Variants in PRDM6 observed in about 807,000 individuals in gnomAD.
PRDM6 encodes putative histone-lysine N-methyltransferase PRDM6.
PRDM6 carries 25 observed loss-of-function variants against 60.8 expected under a neutral mutation model. That is an observed-to-expected ratio of 0.41 (90% CI 0.30 to 0.57). PRDM6 has a LOEUF of 0.57. PRDM6 is among the 20% of genes least tolerant of loss of function. The probability of loss-of-function intolerance (pLI) is 0.27; values close to 1 mark genes in which losing one functional copy is unlikely to be tolerated. For synonymous variants in PRDM6, 407 were observed against 357.4 expected (o/e 1.14, Z -1.57); for missense variants, 839 against 821.3 (o/e 1.02, Z -0.26).
intron 3 of PRDM6, among the ~76,000 whole-genome samples, chr5:123,107,970 AT>A (rs202091143): frequency 3.9e-5 from 6 of 151,960 alleles, no homozygotes; most frequent in East Asian, 3.8e-4. Flanking sequence ...TTTTTAATTA[AT>A]TTTTTTTCAC....
intron 2 of PRDM6, among the ~76,000 whole-genome samples, chr5:123,096,391 T>A (rs955498531): frequency 6.6e-6 from 1 of 152,218 alleles, no homozygotes; most frequent in Non-Finnish European, 1.5e-5. Flanking sequence ...GCTAGAATGT[T>A]TGTCTTCTTA....
intron 6 of PRDM6, among the ~76,000 whole-genome samples, chr5:123,174,000 A>G (rs566360792): frequency 1.8e-4 from 28 of 152,232 alleles, no homozygotes; most frequent in Non-Finnish European, 3.4e-4. Flanking sequence ...GAACCTTTTT[A>G]TGGTTATTAT....
intron 3 of PRDM6, among the ~76,000 whole-genome samples, chr5:123,116,581 T>C (rs550108231): frequency 1.4e-4 from 22 of 152,302 alleles, no homozygotes; most frequent in Non-Finnish European, 2.4e-4. Context: ...TATACAGTAG[T>C]TATTGGAGGG....
intron 3 of PRDM6, among the ~76,000 whole-genome samples, chr5:123,145,905 A>C (rs536824575): frequency 6.6e-6 from 1 of 152,328 alleles, no homozygotes; most frequent in East Asian, 1.9e-4. Flanking sequence ...TGCTCTGAAA[A>C]GAAGTAAAAC....
Position 123,090,201 on chromosome 5 carries a change from G to A in PRDM6, c.187G>A (p.Glu63Lys). The stretch of plus-strand genomic sequence containing the variant: ...GCCGCCCCCGCCCCCGGAGCGCGCT[G>A]AGCCTCCGCCGGACAGCCTGCGCCC... The part of the protein sequence containing the change: ...PPPPPPPERA[E>K]PPPDSLRPRP... Residue 63 changes from glutamate (E) to lysine (K), a missense_variant, in exon 2 of 8, where the codon GAG becomes AAG. This residue lies in a region of PRDM6 where 730 missense variants were observed against 648.8 expected (regional missense o/e 1.13). Transcript: ENST00000407847. The A allele has an allele frequency of 6.7e-7, 1 of 1,485,662 alleles. No individual in the cohort carries two copies. Among genetic ancestry groups the A allele is most frequent in the Non-Finnish European group, 8.9e-7 (1 of 1,121,166 alleles). 92.0% of individuals were successfully genotyped at this position (1,485,662 alleles called of 1,614,324 possible). A position where few individuals can be genotyped will look rare whatever the true frequency, so the allele number is the denominator to read the frequency against.
At chr5:123,115,143 A>C in intron 3 of PRDM6, among the ~76,000 whole-genome samples, 1 of 152,182 alleles carries the variant, frequency 6.6e-6, no homozygotes. Flanking sequence ...GCTAATTACC[A>C]TGTAGCAGGT....
chr5:123,094,262 G>A (rs1176375443), intron 2 of PRDM6, among the ~76,000 whole-genome samples: 1 of 152,174 alleles, frequency 6.6e-6, no homozygotes, highest in African/African-American at 2.4e-5. Context: ...GGTCCTGTTT[G>A]GGCAACTTCG....
At chr5:123,128,732 T>A (rs1476379475) in intron 3 of PRDM6, among the ~76,000 whole-genome samples, 9 of 152,246 alleles carry the variant, frequency 5.9e-5, no homozygotes, top group African/African-American at 2.2e-4. Flanking sequence ...CTGTTCATTC[T>A]GTTAGTTTCT....
chr5:123,096,533 T>G (rs1354193359), intron 2 of PRDM6, among the ~76,000 whole-genome samples: 2 of 152,334 alleles, frequency 1.3e-5, no homozygotes, highest in Non-Finnish European at 1.5e-5. Flanking sequence ...CATTGGAATA[T>G]AACATGTATC....
intron 7 of PRDM6, among the ~76,000 whole-genome samples, chr5:123,182,562 AT>A (rs1766189188): frequency 6.6e-6 from 1 of 152,108 alleles, no homozygotes; most frequent in South Asian, 2.1e-4. Flanking sequence ...ACTTCACTCA[AT>A]TTTTTTCCTT....
At chr5:123,105,952 G>T (rs1764190037) in intron 3 of PRDM6, among the ~76,000 whole-genome samples, 1 of 152,214 alleles carries the variant, frequency 6.6e-6, no homozygotes. Flanking sequence ...GTAGGCCCCA[G>T]GCTCCAGCCT....
At chr5:123,183,441 T>C (rs1486457893) in intron 7 of PRDM6, among the ~76,000 whole-genome samples, 1 of 152,198 alleles carries the variant, frequency 6.6e-6, no homozygotes, top group Non-Finnish European at 1.5e-5. Context: ...GCAGAAGATT[T>C]GGCATGAAGA....
intron 3 of PRDM6, among the ~76,000 whole-genome samples, chr5:123,137,916 T>C (rs1765001561): frequency 6.6e-6 from 1 of 152,172 alleles, no homozygotes; most frequent in African/African-American, 2.4e-5. Context: ...CAAACTGATT[T>C]CAAGTCATTT....
chr5:123,133,466 C>T (rs1284250252), intron 3 of PRDM6, among the ~76,000 whole-genome samples: 1 of 151,934 alleles, frequency 6.6e-6, no homozygotes. Context: ...AAGAGCAAAA[C>T]ACAACCTAAA....
At position 123,193,772 on chromosome 5, in the gene PRDM6, C is replaced by G. The variant is rs1031795828; in HGVS notation, c.*6571C>G. ...CTAATAGAAGTGTGATATTTAGATG[C>G]TATTAGGACATTGTATACATTTCTT... is the stretch of plus-strand genomic sequence containing the variant. On this transcript the variant is annotated 3_prime_UTR_variant, in exon 8 of 8. Transcript: ENST00000407847. 1 of 152,098 alleles carries G rather than the reference C, an allele frequency of 6.6e-6. No individual in the cohort carries two copies. Among genetic ancestry groups the G allele is most frequent in the African/African-American group, 2.4e-5 (1 of 41,410 alleles). The allele number at this position is 152,098 out of a possible 1,614,324, so 9.4% of individuals were successfully genotyped here.
At chr5:123,166,983 C>G (rs1765767094) in intron 5 of PRDM6, among the ~76,000 whole-genome samples, 1 of 152,248 alleles carries the variant, frequency 6.6e-6, no homozygotes, top group African/African-American at 2.4e-5. Context: ...TTGCCGTTGT[C>G]TATGTTGTCT....
intron 4 of PRDM6, 108 bp downstream of exon 4, chr5:123,156,119 A>G: frequency 9.0e-7 from 1 of 1,114,078 alleles, no homozygotes; most frequent in African/African-American, 1.6e-5. Flanking sequence ...GAACTCTGCA[A>G]GGACTGGCAG....
At chr5:123,125,064 T>C (rs939359490) in intron 3 of PRDM6, among the ~76,000 whole-genome samples, 4 of 150,076 alleles carry the variant, frequency 2.7e-5, no homozygotes, top group Admixed American at 2.0e-4. Context: ...TTACAACATT[T>C]TTTTTTTTTT....
At chr5:123,121,691 A>C (rs1278189372) in intron 3 of PRDM6, among the ~76,000 whole-genome samples, 2 of 152,188 alleles carry the variant, frequency 1.3e-5, no homozygotes, top group Non-Finnish European at 2.9e-5. Flanking sequence ...TAATATTAAC[A>C]ATAACTTCTT....
Sources: allele counts gnomAD v4.1 joint callset (sites outside exome capture counted in the v4.1 genomes callset), GRCh38; gene constraint gnomAD v4.1.1; regional missense constraint gnomAD v4.1.1; transcripts MANE v1.5; gene names NCBI Gene and HGNC (gene_info 2026-07-23, HGNC 2026-07-21).